The following KLHL32 variants were observed in gnomAD, a reference collection of about 807,000 sequenced individuals.
KLHL32 encodes the protein kelch like family member 32.
A neutral mutation model predicts 64.8 loss-of-function variants in KLHL32; 35 were observed. That is an observed-to-expected ratio of 0.54 (90% confidence interval 0.41 to 0.72). The LOEUF is 0.72. KLHL32 is among the 30% of genes least tolerant of loss of function. KLHL32 has a pLI of 0.00. For synonymous variants in KLHL32, 259 were observed against 281.0 expected, an observed-to-expected ratio of 0.92 and a Z score of 0.78; for missense variants, 589 against 768.5, an observed-to-expected ratio of 0.77 and a Z score of 2.76.
chr6:96,968,789 C>T (rs1774782102), intron 2 of KLHL32, among the ~76,000 whole-genome samples: 1 of 152,120 alleles, frequency 6.6e-6, no homozygotes, highest in Non-Finnish European at 1.5e-5. Flanking sequence ...TTCATTGAGA[C>T]CCATCCTCCT....
intron 10 of KLHL32, among the ~76,000 whole-genome samples, chr6:97,134,936 A>T (rs1799830171): frequency 6.6e-6 from 1 of 152,224 alleles, no homozygotes; most frequent in African/African-American, 2.4e-5. Flanking sequence ...AATCATATAC[A>T]CTAATTAATT....
At chr6:97,032,370 AC>A (rs1783683159) in intron 3 of KLHL32, among the ~76,000 whole-genome samples, 1 of 152,206 alleles carries the variant, frequency 6.6e-6, no homozygotes, top group Non-Finnish European at 1.5e-5. Flanking sequence ...TATTGCTCAT[AC>A]AAACGTGCAA....
At chr6:97,054,209 A>G (rs1360596294) in intron 4 of KLHL32, among the ~76,000 whole-genome samples, 3 of 152,232 alleles carry the variant, frequency 2.0e-5, no homozygotes, top group African/African-American at 7.2e-5. Context: ...ATTCCATTTG[A>G]GTAAAATAAT....
At chr6:96,920,152 T>C (rs1480803736), upstream of KLHL32, among the ~76,000 whole-genome samples, 1 of 152,188 alleles carries the variant, frequency 6.6e-6, no homozygotes, top group African/African-American at 2.4e-5. Context: ...AGATCATGAC[T>C]ACTCAGTAAG....
chr6:97,039,900 A>G (rs951353667), intron 3 of KLHL32, among the ~76,000 whole-genome samples: 1 of 152,200 alleles, frequency 6.6e-6, no homozygotes, highest in African/African-American at 2.4e-5. Flanking sequence ...TGTTTTAAGC[A>G]TAAAGAAAAG....
At chr6:97,102,386 G>C (rs139710100) in intron 6 of KLHL32, among the ~76,000 whole-genome samples, 1 of 151,934 alleles carries the variant, frequency 6.6e-6, no homozygotes, top group Admixed American at 6.6e-5. Flanking sequence ...GATACAGAAG[G>C]GTTTTCTTTT....
the KLHL32 span, among the ~76,000 whole-genome samples, chr6:96,912,448 G>A: frequency 6.6e-6 from 1 of 152,066 alleles, no homozygotes; most frequent in African/African-American, 2.4e-5. Context: ...AGCACCCATT[G>A]TGATTTTTCC....
At chr6:96,933,364 G>A (rs147704076) in intron 1 of KLHL32, among the ~76,000 whole-genome samples, 151 of 152,214 alleles carry the variant, frequency 9.9e-4, no homozygotes, top group Middle Eastern at 3.4e-3. Context: ...TCCATTCTTT[G>A]TTCATGTGGA....
At chr6:96,943,627 G>C (rs1273068174) in intron 1 of KLHL32, among the ~76,000 whole-genome samples, 1 of 152,230 alleles carries the variant, frequency 6.6e-6, no homozygotes, top group African/African-American at 2.4e-5. Flanking sequence ...CAGGACCCAG[G>C]TCTCCGAGGT....
chr6:97,126,406 G>T, intron 7 of KLHL32, among the ~76,000 whole-genome samples: 1 of 151,240 alleles, frequency 6.6e-6, no homozygotes. Context: ...AATAATTTCT[G>T]GGTTTTACAG....
At chr6:96,961,863 G>A (rs1773919810) in intron 1 of KLHL32, among the ~76,000 whole-genome samples, 1 of 152,132 alleles carries the variant, frequency 6.6e-6, no homozygotes, top group Non-Finnish European at 1.5e-5. Flanking sequence ...GCTGTTGCAG[G>A]CCCAACCTGT....
At chr6:97,040,536 G>T (rs189580141) in intron 3 of KLHL32, among the ~76,000 whole-genome samples, 1 of 152,130 alleles carries the variant, frequency 6.6e-6, no homozygotes, top group Non-Finnish European at 1.5e-5. Context: ...CCTGCTTGGA[G>T]TATCAGTTTC....
intron 5 of KLHL32, among the ~76,000 whole-genome samples, chr6:97,084,044 A>C (rs982983735): frequency 1.3e-5 from 2 of 152,120 alleles, no homozygotes; most frequent in African/African-American, 4.8e-5. Flanking sequence ...CACTTTATAC[A>C]GTTATCTGCT....
intron 5 of KLHL32, among the ~76,000 whole-genome samples, chr6:97,082,473 C>T (rs1361540159): frequency 6.6e-6 from 1 of 152,004 alleles, no homozygotes; most frequent in Non-Finnish European, 1.5e-5. Flanking sequence ...ATTAGCCGGG[C>T]ATGGTGGCGG....
At chr6:96,997,479 G>A (rs1778536100) in intron 3 of KLHL32, among the ~76,000 whole-genome samples, 2 of 152,128 alleles carry the variant, frequency 1.3e-5, no homozygotes, top group Admixed American at 1.3e-4. Flanking sequence ...CAGGCATGGT[G>A]GCTCGTAAAT....
the KLHL32 span, among the ~76,000 whole-genome samples, chr6:96,898,787 A>AT: frequency 6.6e-6 from 1 of 152,162 alleles, no homozygotes; most frequent in Non-Finnish European, 1.5e-5. Flanking sequence ...TGCTGCTTTT[A>AT]TTTAAGACCC....
At chr6:97,136,025 A>G (rs1210855898) in intron 10 of KLHL32, among the ~76,000 whole-genome samples, 1 of 152,340 alleles carries the variant, frequency 6.6e-6, no homozygotes, top group Middle Eastern at 3.4e-3. Flanking sequence ...GGAAAAAATC[A>G]TATGCATACT....
chr6:97,100,646 C>T lies in KLHL32; in HGVS notation c.628-13137C>T, dbSNP rs1463043020. 2.0e-5 allele frequency among the ~76,000 whole-genome samples: 3 copies of T among 152,074 alleles called. No homozygotes were observed. In the East Asian group the frequency reaches 5.8e-4, roughly 29 times the overall value. ...TGGACATCTAAACTCATCATAGTAC[C>T]ACTTGTTTGAGGGATCTGACTGTCC... On this transcript the variant is annotated intron_variant, in intron 6 of 10. Coordinates refer to ENST00000369261, the MANE Select transcript of KLHL32 (RefSeq NM_052904.4).
intron 1 of KLHL32, among the ~76,000 whole-genome samples, chr6:96,956,158 C>T (rs975356538): frequency 7.2e-5 from 11 of 152,110 alleles, no homozygotes; most frequent in South Asian, 2.1e-4. Context: ...TTCACTATCA[C>T]GAGAACAGCA....
Sources: gnomAD v4.1 joint callset for allele counts (sites outside exome capture counted in the v4.1 genomes callset) on GRCh38, gnomAD v4.1.1 for gene constraint, MANE v1.5 for transcripts, NCBI Gene and HGNC (gene_info 2026-07-23, HGNC 2026-07-21) for gene names.